The following TTLL7 variants were observed in gnomAD, a reference collection of about 807,000 sequenced individuals.
TTLL7 encodes the protein tubulin tyrosine ligase like 7, also known as tubulin polyglutamylase TTLL7.
In TTLL7, 53 loss-of-function variants were observed where a neutral mutation model predicts 120.2. The observed-to-expected ratio is 0.44, with a 90% CI of 0.35 to 0.55. TTLL7 has a LOEUF of 0.55. TTLL7 is among the 20% of genes least tolerant of loss of function. The pLI is 0.00. For missense variants in TTLL7, 803 were observed against 1,054.7 expected (o/e 0.76, Z 3.31); for synonymous variants, 353 against 351.7 (o/e 1.00, Z -0.04).
chr1:83,976,350 T>C (rs1175414923), intron 1 of TTLL7, among the ~76,000 whole-genome samples: 1 of 152,026 alleles, frequency 6.6e-6, no homozygotes, highest in South Asian at 2.1e-4. Flanking sequence ...ATTACCAATC[T>C]TAAAAACTCA....
chr1:83,868,009 A>G lies in TTLL7; in HGVS notation c.*1953T>C, dbSNP rs935602478. On this transcript the variant is annotated 3_prime_UTR_variant, in exon 21 of 21. Transcript: ENST00000260505. Reference sequence around the variant, plus strand: ...ATGCATGCAGAGAGGAAAAGTATCTACCAAATGTGGATGTTAGGTAGCCAT... The same window carrying G: ...ATGCATGCAGAGAGGAAAAGTATCTGCCAAATGTGGATGTTAGGTAGCCAT... 3 of 152,190 alleles carry G rather than the reference A, an allele frequency of 2.0e-5. No homozygotes were observed. Among genetic ancestry groups the G allele is most frequent in the Non-Finnish European group, 2.9e-5 (2 of 68,018 alleles). 9.4% of individuals were successfully genotyped at this position (152,190 alleles called of 1,614,324 possible). A position where few individuals can be genotyped will look rare whatever the true frequency, so the allele number is the denominator to read the frequency against.
intron 18 of TTLL7, among the ~76,000 whole-genome samples, chr1:83,902,799 C>A (rs1254954848): frequency 6.6e-6 from 1 of 151,974 alleles, no homozygotes; most frequent in Non-Finnish European, 1.5e-5. Flanking sequence ...CAACTACACA[C>A]TCAACATTTT....
At chr1:83,988,760 G>C (rs1473526185) in intron 1 of TTLL7, among the ~76,000 whole-genome samples, 1 of 151,868 alleles carries the variant, frequency 6.6e-6, no homozygotes, top group Non-Finnish European at 1.5e-5. Flanking sequence ...CCAAGCTGGG[G>C]TGCGGTGGCA....
At chr1:83,938,502 C>T (rs551558854) in intron 7 of TTLL7, among the ~76,000 whole-genome samples, 9 of 152,106 alleles carry the variant, frequency 5.9e-5, no homozygotes, top group South Asian at 2.1e-4. Flanking sequence ...GGCAGGACTA[C>T]CAAACACAAC....
intron 1 of TTLL7, among the ~76,000 whole-genome samples, chr1:83,987,679 C>T (rs1471051411): frequency 6.6e-6 from 1 of 151,926 alleles, no homozygotes; most frequent in Admixed American, 6.6e-5. Context: ...GCAACAAAAG[C>T]AAAAATAAAC....
intron 8 of TTLL7, among the ~76,000 whole-genome samples, chr1:83,936,749 C>A (rs1441401393): frequency 1.2e-5 from 1 of 81,502 alleles, no homozygotes; most frequent in Non-Finnish European, 2.4e-5. Context: ...AGTCCATTGC[C>A]AACATTTAAA....
At chr1:83,919,956 G>T in intron 12 of TTLL7, 122 bp from the exon 13 acceptor site, 1 of 848,400 alleles carries the variant, frequency 1.2e-6, no homozygotes, top group Non-Finnish European at 1.8e-6. Flanking sequence ...CCAGGTATAA[G>T]CATTTCTATA....
intron 18 of TTLL7, among the ~76,000 whole-genome samples, chr1:83,891,972 C>T (rs894954456): frequency 1.3e-5 from 2 of 151,672 alleles, no homozygotes; most frequent in Admixed American, 1.3e-4. Flanking sequence ...GGACAAGAGG[C>T]ACACACCACC....
chr1:83,887,181 T>C, intron 19 of TTLL7: 3 of 1,102,948 alleles, frequency 2.7e-6, no homozygotes, highest in Non-Finnish European at 3.4e-6. Context: ...ACTTACTTTG[T>C]TTTATTATTG....
At chr1:83,951,494 G>A (rs770447267) in intron 3 of TTLL7, among the ~76,000 whole-genome samples, 12 of 152,090 alleles carry the variant, frequency 7.9e-5, no homozygotes, top group Non-Finnish European at 1.3e-4. Context: ...AAATTTGTCA[G>A]GTCAGTCACA....
rs776710092 is a variant in TTLL7, at chr1:83,949,972, C to T, written c.172G>A (p.Asp58Asn). Reference protein sequence around the residue: ...TKFEIVRLVIDEMGFMKTPDE... With the variant: ...TKFEIVRLVINEMGFMKTPDE... ...GGAGTTTTCATAAATCCCATTTCATCTATTACTAAACGAACTGCAAGTAAA... is the reference window on the plus strand; with the variant it reads ...GGAGTTTTCATAAATCCCATTTCATTTATTACTAAACGAACTGCAAGTAAA... The change falls in exon 4 of 21, where the codon GAT (aspartate) becomes AAT (asparagine). Residue 58 changes from aspartate to asparagine, a missense_variant. Transcript: ENST00000260505. 1 of 1,612,670 alleles carries T rather than the reference C, an allele frequency of 6.2e-7. No homozygotes were observed. Among genetic ancestry groups the T allele is most frequent in the South Asian group, 1.1e-5 (1 of 90,854 alleles).
chr1:83,885,057 G>C, intron 19 of TTLL7: 1 of 287,286 alleles, frequency 3.5e-6, no homozygotes, highest in South Asian at 1.4e-4. Context: ...GATGTAGATA[G>C]AGATATAAAT....
intron 19 of TTLL7, among the ~76,000 whole-genome samples, chr1:83,883,762 A>G (rs1007945729): frequency 3.3e-5 from 5 of 152,060 alleles, no homozygotes; most frequent in African/African-American, 1.2e-4. Context: ...AAATGACTAA[A>G]AAGTTGCTGA....
chr1:83,926,806 G>C (rs1659176490), intron 10 of TTLL7, among the ~76,000 whole-genome samples: 1 of 152,126 alleles, frequency 6.6e-6, no homozygotes, highest in South Asian at 2.1e-4. Context: ...ATGGGATTGT[G>C]AATGTCTTTT....
At chr1:83,937,483 G>A (rs1311433170) in intron 8 of TTLL7, among the ~76,000 whole-genome samples, 1 of 152,160 alleles carries the variant, frequency 6.6e-6, no homozygotes, top group Non-Finnish European at 1.5e-5. Flanking sequence ...AATTACAGGC[G>A]TGAGCCACTG....
At chr1:83,915,760 A>G (rs1658100184) in intron 14 of TTLL7, among the ~76,000 whole-genome samples, 1 of 152,204 alleles carries the variant, frequency 6.6e-6, no homozygotes, top group African/African-American at 2.4e-5. Flanking sequence ...AAGGGCTAAT[A>G]TCCAGAATCT....
intron 18 of TTLL7, among the ~76,000 whole-genome samples, chr1:83,902,949 C>T (rs77907883): frequency 0.042 from 6,333 of 152,058 alleles, 154 homozygotes; most frequent in Middle Eastern, 0.099. Flanking sequence ...CACCCATTAG[C>T]TCTTGCCTCG....
intron 1 of TTLL7, among the ~76,000 whole-genome samples, chr1:83,972,966 A>G (rs936138804): frequency 1.3e-5 from 2 of 152,030 alleles, no homozygotes; most frequent in Non-Finnish European, 2.9e-5. Flanking sequence ...TATTCTGGAT[A>G]ATAGTCCTTT....
At chr1:83,881,118 G>C (rs1281168271) in intron 20 of TTLL7, among the ~76,000 whole-genome samples, 1 of 150,228 alleles carries the variant, frequency 6.7e-6, no homozygotes, top group African/African-American at 2.4e-5. Context: ...TTAAATGTTA[G>C]ACCTAAAACC....
Sources: allele counts gnomAD v4.1 joint callset (sites outside exome capture counted in the v4.1 genomes callset), GRCh38; gene constraint gnomAD v4.1.1; transcripts MANE v1.5; gene names NCBI Gene and HGNC (gene_info 2026-07-23, HGNC 2026-07-21).